Variants in ETFA observed in about 807,000 individuals in gnomAD.
The protein encoded by ETFA is electron transfer flavoprotein subunit alpha.
ETFA carries 22 observed loss-of-function variants against 46.2 expected under a neutral mutation model. The observed-to-expected ratio is 0.48, with a 90% CI of 0.34 to 0.68. The LOEUF (loss-of-function observed/expected upper bound fraction) is 0.68. Ranked by LOEUF, ETFA falls within the 30% of genes least tolerant of loss-of-function variation. The pLI, the probability that ETFA is intolerant of heterozygous loss-of-function variation, is 0.01. For missense variants in ETFA, 345 were observed against 401.1 expected, an observed-to-expected ratio of 0.86 and a Z score of 1.19; for synonymous variants, 131 against 139.9, an observed-to-expected ratio of 0.94 and a Z score of 0.45.
rs2038893899 is a variant in ETFA at position 76,216,199 on chromosome 15, G to A, written c.*360C>T. ...GTTTACAATCTTCCTAAAACATAGA[G>A]CTCTCCATGAACAAGAAAGGCAAAA... is the stretch of plus-strand genomic sequence containing the variant. On this transcript the variant is annotated 3_prime_UTR_variant, in exon 12 of 12. Transcript: ENST00000557943. 1 of 213,226 alleles carries A rather than the reference G, an allele frequency of 4.7e-6. No homozygotes were observed. The highest frequency in any genetic ancestry group is 9.3e-6 in the Non-Finnish European group (1 of 107,802). 13.2% of individuals were successfully genotyped at this position (213,226 alleles called of 1,614,324 possible).
intron 8 of ETFA, among the ~76,000 whole-genome samples, chr15:76,277,167 CA>C (rs2039601570): frequency 6.6e-6 from 1 of 152,144 alleles, no homozygotes; most frequent in African/African-American, 2.4e-5. Context: ...GAACTTTACA[CA>C]TGCTTCTCAG....
Position 76,226,070 on chromosome 15 carries a change from A to C in ETFA, c.883-141T>G. ...TTGAGGCATCTGTGTCAACACTGTAAATTTATTAGAAATTTCCAGGTTGGA... is the reference window on the plus strand; with the variant it reads ...TTGAGGCATCTGTGTCAACACTGTACATTTATTAGAAATTTCCAGGTTGGA... On this transcript the variant is annotated intron_variant, in intron 10 of 11. Transcript: ENST00000557943. 8.0e-6 allele frequency: 5 copies of C among 623,324 alleles called. No individual in the cohort carries two copies. In the South Asian group the frequency reaches 9.6e-5, roughly 12 times the overall value. 38.6% of individuals were successfully genotyped at this position (623,324 alleles called of 1,614,324 possible).
At chr15:76,241,650 A>T (rs2039190328) in intron 9 of ETFA, among the ~76,000 whole-genome samples, 1 of 148,834 alleles carries the variant, frequency 6.7e-6, no homozygotes, top group African/African-American at 2.5e-5. Context: ...AAATACAAAA[A>T]TTAGCCAGGC....
rs1006109730 is a variant in ETFA at position 76,250,909 on chromosome 15, G to A, written c.817-19511C>T. 2.0e-5 allele frequency among the ~76,000 whole-genome samples: 3 copies of A among 152,064 alleles called. No individual in the cohort carries two copies. The East Asian group carries it at 5.8e-4, about 29-fold the overall frequency. On this transcript the variant is annotated intron_variant, in intron 9 of 11. Coordinates refer to ENST00000557943, the MANE Select transcript of ETFA (RefSeq NM_000126.4). The stretch of plus-strand genomic sequence containing the variant: ...GAAGAGTACACAAGGGTTTTCAACA[G>A]TACTGTAATATTGTTTCTTAAATTC...
rs1036363383 is a variant in ETFA, at chr15:76,236,993, A to G, written c.817-5595T>C. ...ATGGAAATTTAAAAATACATGGAAC[A>G]AAACACCAAAAAAGGAAGGGTATAT... On this transcript the variant is annotated intron_variant, in intron 9 of 11. Coordinates refer to ENST00000557943, the MANE Select transcript of ETFA (RefSeq NM_000126.4). Among the ~76,000 whole-genome samples the G allele has an allele frequency of 2.6e-4, 40 of 152,262 alleles. 1 individual carries two copies. The highest frequency in any genetic ancestry group is 2.6e-3 in the Admixed American group (39 of 15,288).
chr15:76,276,939 C>T (rs1339333044), intron 8 of ETFA, among the ~76,000 whole-genome samples: 1 of 152,180 alleles, frequency 6.6e-6, no homozygotes, highest in Non-Finnish European at 1.5e-5. Context: ...GGTTCTGATG[C>T]TTTCTCTGTC....
At chr15:76,233,102 T>C (rs2039086002) in intron 9 of ETFA, among the ~76,000 whole-genome samples, 1 of 152,126 alleles carries the variant, frequency 6.6e-6, no homozygotes, top group Admixed American at 6.6e-5. Context: ...GACTGTGTCT[T>C]AGGGTGGGGA....
chr15:76,279,544 T>A (rs1049408357), intron 8 of ETFA, among the ~76,000 whole-genome samples: 1 of 152,112 alleles, frequency 6.6e-6, no homozygotes. Flanking sequence ...CCCAAAGTGT[T>A]GGGATTACAG....
chr15:76,287,649 C>T, intron 5 of ETFA, 197 bp downstream of exon 5: 1 of 521,888 alleles, frequency 1.9e-6, no homozygotes, highest in South Asian at 2.1e-5. Flanking sequence ...CAGGAAATCT[C>T]TGTGTTTGCG....
intron 11 of ETFA, among the ~76,000 whole-genome samples, chr15:76,224,714 C>T (rs2038987762): frequency 6.6e-6 from 1 of 152,114 alleles, no homozygotes; most frequent in African/African-American, 2.4e-5. Context: ...TGAGGGGTTC[C>T]TCACCCCAGC....
At chr15:76,266,208 T>C (rs1280206811) in intron 9 of ETFA, among the ~76,000 whole-genome samples, 1 of 152,198 alleles carries the variant, frequency 6.6e-6, no homozygotes, top group African/African-American at 2.4e-5. Flanking sequence ...ACTAGCCTCT[T>C]ATAGTGATAG....
intron 9 of ETFA, chr15:76,261,037 GTGCTTGAAGGA>G: frequency 6.3e-7 from 1 of 1,595,410 alleles, no homozygotes; most frequent in Admixed American, 1.7e-5. Context: ...ACTGCAGGCA[GTGCTTGAAGGA>G]GAACAGTGGC....
chr15:76,263,540 T>C (rs1012246526), intron 9 of ETFA, among the ~76,000 whole-genome samples: 5 of 152,222 alleles, frequency 3.3e-5, no homozygotes, highest in Admixed American at 6.5e-5. Context: ...CAAAGGGGAG[T>C]GAAAGTTAGT....
At chr15:76,287,619 C>G (rs570979288) in intron 5 of ETFA, 3 of 461,248 alleles carry the variant, frequency 6.5e-6, no homozygotes, top group Non-Finnish European at 1.2e-5. Flanking sequence ...AAATATCACC[C>G]TGCAAACTGA....
chr15:76,302,656 C>T (rs908759621), intron 1 of ETFA, among the ~76,000 whole-genome samples: 5 of 152,026 alleles, frequency 3.3e-5, no homozygotes, highest in Admixed American at 2.6e-4. Context: ...AGAGTGAATC[C>T]TAATGTAAAC....
At chr15:76,271,494 T>C (rs1178087852) in intron 9 of ETFA, among the ~76,000 whole-genome samples, 2 of 152,140 alleles carry the variant, frequency 1.3e-5, no homozygotes, top group African/African-American at 2.4e-5. Flanking sequence ...CCTCATGAAG[T>C]GAAGGTAAGA....
chr15:76,271,489 T>C (rs1445140439), intron 9 of ETFA, among the ~76,000 whole-genome samples: 1 of 152,162 alleles, frequency 6.6e-6, no homozygotes, highest in Non-Finnish European at 1.5e-5. Context: ...AATTCCCTCA[T>C]GAAGTGAAGG....
intron 9 of ETFA, among the ~76,000 whole-genome samples, chr15:76,270,640 A>AC (rs950914017): frequency 6.6e-6 from 1 of 152,178 alleles, no homozygotes; most frequent in Non-Finnish European, 1.5e-5. Context: ...TGGAGAAAGG[A>AC]CTGGTTCCAG....
rs78052129 is a variant in ETFA at position 76,283,719 on chromosome 15, A to G, written c.733+38T>C. ...TAATGAAGAAAAAATATTTCCAACA[A>G]AAAGGGAATATCTTTCTACTAAGGA... On this transcript the variant is annotated intron_variant, in intron 8 of 11. Transcript: ENST00000557943. The G allele has an allele frequency of 0.041, 51,591 of 1,272,136 alleles. 1,142 individuals carry two copies. Among genetic ancestry groups the G allele is most frequent in the Middle Eastern group, 0.053 (288 of 5,388 alleles). 78.8% of individuals were successfully genotyped at this position (1,272,136 alleles called of 1,614,324 possible).
Sources: gnomAD v4.1 joint callset for allele counts (sites outside exome capture counted in the v4.1 genomes callset) on GRCh38, gnomAD v4.1.1 for gene constraint, MANE v1.5 for transcripts, NCBI Gene and HGNC (gene_info 2026-07-23, HGNC 2026-07-21) for gene names.